The following RBX1 variants were observed in gnomAD, a reference collection of about 807,000 sequenced individuals.
The protein encoded by RBX1 is E3 ubiquitin-protein ligase RBX1.
For missense variants in RBX1, 46 were observed against 141.4 expected, an observed-to-expected ratio of 0.33 and a Z score of 3.42; for synonymous variants, 48 against 47.9, an observed-to-expected ratio of 1.00 and a Z score of -0.01.
At chr22:40,962,012 G>A (rs1264201059) in intron 2 of RBX1, among the ~76,000 whole-genome samples, 1 of 151,790 alleles carries the variant, frequency 6.6e-6, no homozygotes, top group East Asian at 1.9e-4. Flanking sequence ...CTCGAACCCT[G>A]ACATCAAGTG....
intron 2 of RBX1, among the ~76,000 whole-genome samples, chr22:40,959,817 A>G (rs1452163512): frequency 6.6e-6 from 1 of 151,922 alleles, no homozygotes; most frequent in Non-Finnish European, 1.5e-5. Flanking sequence ...GTCTAAAAGA[A>G]AAAAAGGAAT....
chr22:40,964,353 G>A, intron 3 of RBX1: 1 of 382,190 alleles, frequency 2.6e-6, no homozygotes, highest in Non-Finnish European at 4.8e-6. Context: ...ACCCAATTTT[G>A]TTAGCAGTAT....
chr22:40,965,300 C>T (rs917320656), intron 3 of RBX1, among the ~76,000 whole-genome samples: 1 of 148,992 alleles, frequency 6.7e-6, no homozygotes, highest in East Asian at 2.0e-4. Context: ...GAGACTCTGT[C>T]TCAAAAAAAA....
At chr22:40,959,883 G>A (rs1299144066) in intron 2 of RBX1, among the ~76,000 whole-genome samples, 2 of 151,990 alleles carry the variant, frequency 1.3e-5, no homozygotes. Flanking sequence ...ATGGGAGGCC[G>A]AGGCAGGCAG....
chr22:40,964,588 A>T (rs1463843591), intron 3 of RBX1, among the ~76,000 whole-genome samples: 1 of 152,240 alleles, frequency 6.6e-6, no homozygotes, highest in Non-Finnish European at 1.5e-5. Flanking sequence ...TTATGCCAGA[A>T]ATGTTTTGTG....
chr22:40,952,579 T>C (rs1007394183), intron 1 of RBX1, among the ~76,000 whole-genome samples: 2 of 152,118 alleles, frequency 1.3e-5, no homozygotes, highest in African/African-American at 4.8e-5. Context: ...GCGAAGAAGG[T>C]TTGGGAGTAT....
intron 1 of RBX1, among the ~76,000 whole-genome samples, 188 bp downstream of exon 1, chr22:40,951,664 G>A (rs1359818870): frequency 6.6e-6 from 1 of 152,174 alleles, no homozygotes; most frequent in Admixed American, 6.5e-5. Flanking sequence ...ACTGTTGGGG[G>A]AAGTGTTGGT....
chr22:40,969,976 G>A (rs548068744), intron 4 of RBX1, among the ~76,000 whole-genome samples: 5 of 150,218 alleles, frequency 3.3e-5, no homozygotes, highest in Non-Finnish European at 7.4e-5. Flanking sequence ...TGGGAGGATC[G>A]CTTGAGCCCA....
intron 4 of RBX1, 94 bp downstream of exon 4, chr22:40,967,978 G>A (rs1195232810): frequency 1.0e-5 from 7 of 688,790 alleles, no homozygotes; most frequent in Non-Finnish European, 1.5e-5. Flanking sequence ...TACATGCCTT[G>A]TTTTTTTTAA....
intron 2 of RBX1, among the ~76,000 whole-genome samples, chr22:40,960,555 C>T (rs776343131): frequency 1.5e-4 from 23 of 152,050 alleles, no homozygotes; most frequent in Admixed American, 4.6e-4. Context: ...AATTTAAACA[C>T]GATAATGTAC....
intron 4 of RBX1, among the ~76,000 whole-genome samples, chr22:40,968,788 G>T (rs1301949898): frequency 6.6e-6 from 1 of 150,956 alleles, no homozygotes; most frequent in Non-Finnish European, 1.5e-5. Flanking sequence ...GTATTTACAT[G>T]GTTGTGTGTA....
chr22:40,972,429 AG>A (rs1374477298), intron 4 of RBX1, 46 bp from the exon 5 acceptor site: 12 of 1,541,622 alleles, frequency 7.8e-6, no homozygotes, highest in Non-Finnish European at 1.1e-5. Flanking sequence ...TGTCTCAAAC[AG>A]GAAATTATCT....
At chr22:40,960,820 G>A (rs576062370) in intron 2 of RBX1, among the ~76,000 whole-genome samples, 25 of 151,956 alleles carry the variant, frequency 1.6e-4, no homozygotes, top group African/African-American at 6.0e-4. Flanking sequence ...GTGCAGTGGC[G>A]CGATCCCAGC....
intron 2 of RBX1, among the ~76,000 whole-genome samples, chr22:40,955,202 T>C (rs1808662437): frequency 6.6e-6 from 1 of 152,286 alleles, no homozygotes; most frequent in Non-Finnish European, 1.5e-5. Flanking sequence ...AACCCAGCAC[T>C]GTCCAATCTG....
At chr22:40,952,704 A>G (rs1181922778) in intron 1 of RBX1, among the ~76,000 whole-genome samples, 4 of 14,630 alleles carry the variant, frequency 2.7e-4, no homozygotes, top group African/African-American at 3.2e-4. Flanking sequence ...AGTTTATTTT[A>G]TGGTAAGAAT....
At chr22:40,952,674 A>C (rs976611586) in intron 1 of RBX1, among the ~76,000 whole-genome samples, 1 of 150,476 alleles carries the variant, frequency 6.6e-6, no homozygotes, top group Non-Finnish European at 1.5e-5. Flanking sequence ...GAGTCTAAAC[A>C]TATAAAAGTT....
chr22:40,964,737 T>C (rs1305110970), intron 3 of RBX1, among the ~76,000 whole-genome samples: 1 of 152,180 alleles, frequency 6.6e-6, no homozygotes, highest in Admixed American at 6.6e-5. Flanking sequence ...TAAAATTGTC[T>C]TGTCAGGGCC....
At chr22:40,971,480 A>C (rs2146305066) in intron 4 of RBX1, among the ~76,000 whole-genome samples, 1 of 152,328 alleles carries the variant, frequency 6.6e-6, no homozygotes, top group East Asian at 1.9e-4. Flanking sequence ...CCAGGACAAA[A>C]GATAATAATG....
At chr22:40,959,792 A>G (rs976501415) in intron 2 of RBX1, among the ~76,000 whole-genome samples, 1 of 151,560 alleles carries the variant, frequency 6.6e-6, no homozygotes, top group Admixed American at 6.6e-5. Context: ...GCCTGGGGGG[A>G]CAAAGCTAGA....
Sources: allele counts gnomAD v4.1 joint callset (sites outside exome capture counted in the v4.1 genomes callset), GRCh38; gene constraint gnomAD v4.1.1; transcripts MANE v1.5; gene names NCBI Gene and HGNC (gene_info 2026-07-23, HGNC 2026-07-21).